The following AGBL4 variants were observed in gnomAD, a reference collection of about 807,000 sequenced individuals.
The protein encoded by AGBL4 is cytosolic carboxypeptidase 6.
A neutral mutation model predicts 66.4 loss-of-function variants in AGBL4; 58 were observed. The ratio of observed to expected loss-of-function variants is 0.87; its 90% CI spans 0.71 to 1.09. The LOEUF (loss-of-function observed/expected upper bound fraction) is 1.09, where lower values mean the gene tolerates loss of function less well. Ranked by LOEUF, AGBL4 falls within the 50% of genes least tolerant of loss-of-function variation. AGBL4 has a pLI of 0.00. For missense variants in AGBL4, 579 were observed against 631.0 expected (o/e 0.92, Z 0.88); for synonymous variants, 234 against 222.9 (o/e 1.05, Z -0.44).
intron 5 of AGBL4, among the ~76,000 whole-genome samples, chr1:48,993,493 C>T (rs1660767674): frequency 6.6e-6 from 1 of 152,174 alleles, no homozygotes; most frequent in Admixed American, 6.5e-5. Context: ...AGGGATGGCA[C>T]AAGCACTCCC....
chr1:48,723,514 T>C (rs1647182740), intron 6 of AGBL4, among the ~76,000 whole-genome samples: 1 of 152,202 alleles, frequency 6.6e-6, no homozygotes, highest in South Asian at 2.1e-4. Flanking sequence ...TATCTATTGG[T>C]TTGTCTATTT....
chr1:49,566,080 C>A (rs1644195044), intron 3 of AGBL4, among the ~76,000 whole-genome samples: 1 of 152,180 alleles, frequency 6.6e-6, no homozygotes, highest in South Asian at 2.1e-4. Flanking sequence ...CCCTTTCTTC[C>A]CGTTGATCGC....
chr1:48,714,642 A>T (rs1647019883), intron 6 of AGBL4, among the ~76,000 whole-genome samples: 1 of 152,146 alleles, frequency 6.6e-6, no homozygotes, highest in Non-Finnish European at 1.5e-5. Context: ...TCCTTCTGAA[A>T]CACCAATCTG....
At chr1:48,847,055 C>T (rs1436744631) in intron 6 of AGBL4, among the ~76,000 whole-genome samples, 1 of 152,114 alleles carries the variant, frequency 6.6e-6, no homozygotes, top group African/African-American at 2.4e-5. Context: ...AATCCCAGCA[C>T]TTCGGGAGGC....
At chr1:49,049,126 T>C (rs1644149901) in intron 4 of AGBL4, among the ~76,000 whole-genome samples, 1 of 152,156 alleles carries the variant, frequency 6.6e-6, no homozygotes, top group Non-Finnish European at 1.5e-5. Flanking sequence ...TTGTTTATAT[T>C]CAACTACTCA....
chr1:49,244,726 T>C (rs982090591), intron 4 of AGBL4, among the ~76,000 whole-genome samples: 2 of 151,888 alleles, frequency 1.3e-5, no homozygotes, highest in Non-Finnish European at 2.9e-5. Context: ...CTATTAATAA[T>C]AGATGCCATT....
At chr1:48,963,112 C>A (rs1436026688) in intron 5 of AGBL4, among the ~76,000 whole-genome samples, 1 of 132,888 alleles carries the variant, frequency 7.5e-6, no homozygotes, top group Admixed American at 7.5e-5. Flanking sequence ...CTTCTGGAGG[C>A]TAGGAAGTCC....
At chr1:48,879,120 C>T (rs1649503990) in intron 5 of AGBL4, among the ~76,000 whole-genome samples, 1 of 150,998 alleles carries the variant, frequency 6.6e-6, no homozygotes, top group African/African-American at 2.4e-5. Flanking sequence ...CAAATAAAAG[C>T]AATGCATAAT....
At chr1:49,884,349 G>A (rs555529140) in intron 1 of AGBL4, among the ~76,000 whole-genome samples, 7 of 151,940 alleles carry the variant, frequency 4.6e-5, no homozygotes, top group South Asian at 4.1e-4. Context: ...TATTCACTCA[G>A]TAAGTAGTTG....
chr1:49,397,183 G>A (rs1644991231), intron 3 of AGBL4, among the ~76,000 whole-genome samples: 1 of 151,912 alleles, frequency 6.6e-6, no homozygotes, highest in African/African-American at 2.4e-5. Context: ...CCTGGGAGTT[G>A]AGGAGGCTCT....
chr1:49,859,012 GA>G (rs917767567), intron 1 of AGBL4, among the ~76,000 whole-genome samples: 32 of 135,384 alleles, frequency 2.4e-4, no homozygotes, highest in Middle Eastern at 3.7e-3. Flanking sequence ...TATCTCAAAA[GA>G]AAAAAAAAAG....
chr1:49,118,014 C>G (rs894388114), intron 4 of AGBL4, among the ~76,000 whole-genome samples: 1 of 151,606 alleles, frequency 6.6e-6, no homozygotes, highest in African/African-American at 2.4e-5. Flanking sequence ...TGATTTGGCT[C>G]TCTGTCTGTT....
At chr1:49,679,381 G>C (rs1042568846) in intron 3 of AGBL4, among the ~76,000 whole-genome samples, 1 of 151,182 alleles carries the variant, frequency 6.6e-6, no homozygotes, top group African/African-American at 2.5e-5. Context: ...GTGTGTGCTT[G>C]TGTGTGTATG....
At chr1:49,189,069 G>T (rs1049360468) in intron 4 of AGBL4, among the ~76,000 whole-genome samples, 1 of 152,098 alleles carries the variant, frequency 6.6e-6, no homozygotes, top group Admixed American at 6.6e-5. Flanking sequence ...GAAAGAGGAG[G>T]GTAGCTATGC....
rs1235734221 is a variant in AGBL4, at chr1:49,585,889, C to A, written c.282+111424G>T. On this transcript the variant is annotated intron_variant, in intron 3 of 13. Coordinates refer to ENST00000371839, the MANE Select transcript of AGBL4 (RefSeq NM_032785.4). ...ATCACAAATGAAAACCTAAGTCTTA[C>A]CTTTTAGAATCAGATGCCATAAAAA... 2.0e-5 allele frequency among the ~76,000 whole-genome samples: 3 copies of A among 152,172 alleles called. No individual in the cohort carries two copies. The East Asian group carries it at 5.8e-4, about 29-fold the overall frequency.
At chr1:49,590,831 A>G (rs911341560) in intron 3 of AGBL4, among the ~76,000 whole-genome samples, 4 of 152,070 alleles carry the variant, frequency 2.6e-5, no homozygotes, top group African/African-American at 4.8e-5. Context: ...TAAAATATCA[A>G]CTGAGAATGA....
At chr1:49,615,236 T>TA (rs2124260854) in intron 3 of AGBL4, among the ~76,000 whole-genome samples, 1 of 152,280 alleles carries the variant, frequency 6.6e-6, no homozygotes, top group African/African-American at 2.4e-5. Flanking sequence ...GGAGGCAGTA[T>TA]AAATCTCCTG....
intron 6 of AGBL4, among the ~76,000 whole-genome samples, chr1:48,665,649 T>TA: frequency 6.6e-6 from 1 of 152,302 alleles, no homozygotes; most frequent in African/African-American, 2.4e-5. Flanking sequence ...CTGGATCCAG[T>TA]AAAAACAATA....
At chr1:49,924,115 A>G (rs1423828505) in intron 1 of AGBL4, among the ~76,000 whole-genome samples, 4 of 152,246 alleles carry the variant, frequency 2.6e-5, no homozygotes, top group African/African-American at 9.6e-5. Flanking sequence ...TGGTACATAT[A>G]TACAATGGAA....
Sources: gnomAD v4.1 joint callset for allele counts (sites outside exome capture counted in the v4.1 genomes callset) on GRCh38, gnomAD v4.1.1 for gene constraint, MANE v1.5 for transcripts, NCBI Gene and HGNC (gene_info 2026-07-23, HGNC 2026-07-21) for gene names.